The following RHBDL2 variants were observed in gnomAD, a reference collection of about 807,000 sequenced individuals.
RHBDL2 encodes the protein rhomboid-related protein 2.
A neutral mutation model predicts 31.7 loss-of-function variants in RHBDL2; 26 were observed. The ratio of observed to expected loss-of-function variants is 0.82; its 90% CI spans 0.60 to 1.14. RHBDL2 has a LOEUF of 1.14. Ranked by LOEUF, RHBDL2 falls within the 50% of genes most tolerant of loss-of-function variation. RHBDL2 has a pLI of 0.00. For synonymous variants in RHBDL2, 123 were observed against 127.2 expected, an observed-to-expected ratio of 0.97 and a Z score of 0.22; for missense variants, 336 against 364.4, an observed-to-expected ratio of 0.92 and a Z score of 0.63.
At position 38,886,583 on chromosome 1, in the gene RHBDL2, A is replaced by C; in HGVS notation, c.833T>G (p.Phe278Cys). Residue 278 changes from phenylalanine (F) to cysteine (C), a missense_variant, in exon 8 of 8, where the codon TTT becomes TGT. Coordinates refer to ENST00000372990, the MANE Select transcript of RHBDL2 (RefSeq NM_017821.5). ...FDKALLKDPR[F>C]WIAIAAYLAC... ...TAAATATGCAGCAATTGCTATCCAA[A>C]ACCTTGGATCTTTCAGCAGTGCTTT... The C allele has an allele frequency of 6.2e-7, 1 of 1,608,102 alleles. No individual in the cohort carries two copies. Among genetic ancestry groups the C allele is most frequent in the Non-Finnish European group, 8.5e-7 (1 of 1,176,390 alleles).
intron 6 of RHBDL2, among the ~76,000 whole-genome samples, chr1:38,892,448 C>G (rs1051352463): frequency 6.6e-6 from 1 of 152,070 alleles, no homozygotes; most frequent in Non-Finnish European, 1.5e-5. Flanking sequence ...TGGCTTCCCC[C>G]ACTCCATAAA....
chr1:38,921,132 GGCGTGGTGGCTC>G (rs1485454231), intron 1 of RHBDL2, among the ~76,000 whole-genome samples: 1 of 152,174 alleles, frequency 6.6e-6, no homozygotes, highest in East Asian at 1.9e-4. Context: ...ATCTGGGCCG[GGCGTGGTGGCTC>G]ACGCCTGTAA....
chr1:38,890,731 G>T (rs368031275), intron 6 of RHBDL2, among the ~76,000 whole-genome samples: 3 of 149,140 alleles, frequency 2.0e-5, no homozygotes, highest in Non-Finnish European at 3.0e-5. Flanking sequence ...AGACAACCTC[G>T]CTCTGCTGCC....
chr1:38,928,359 G>A (rs1222004857), intron 1 of RHBDL2, among the ~76,000 whole-genome samples: 1 of 151,800 alleles, frequency 6.6e-6, no homozygotes, highest in Non-Finnish European at 1.5e-5. Context: ...AGCCAGGATG[G>A]TCTCAATCTC....
chr1:38,918,564 A>G (rs1643268358), intron 2 of RHBDL2, among the ~76,000 whole-genome samples: 1 of 152,190 alleles, frequency 6.6e-6, no homozygotes, highest in Non-Finnish European at 1.5e-5. Context: ...ACTGAAATTC[A>G]GAAGAATTCT....
chr1:38,892,604 T>G (rs141228392), intron 6 of RHBDL2, among the ~76,000 whole-genome samples: 2 of 152,324 alleles, frequency 1.3e-5, no homozygotes, highest in Non-Finnish European at 2.9e-5. Flanking sequence ...ATTCTCCATG[T>G]TAGTGTCTGG....
chr1:38,938,815 A>G (rs1323365217), intron 1 of RHBDL2, among the ~76,000 whole-genome samples: 1 of 152,154 alleles, frequency 6.6e-6, no homozygotes, highest in East Asian at 1.9e-4. Flanking sequence ...TAGAGCATCA[A>G]TGTCTTCTTT....
chr1:38,899,813 C>T (rs1423550499), intron 4 of RHBDL2, among the ~76,000 whole-genome samples: 1 of 152,192 alleles, frequency 6.6e-6, no homozygotes, highest in African/African-American at 2.4e-5. Context: ...GGGTCTGCCC[C>T]AGTCCTGCAA....
At chr1:38,924,785 T>C (rs1232628007) in intron 1 of RHBDL2, among the ~76,000 whole-genome samples, 1 of 148,952 alleles carries the variant, frequency 6.7e-6, no homozygotes, top group Non-Finnish European at 1.5e-5. Flanking sequence ...CTTTTTTCTT[T>C]TTTTTTTTTT....
chr1:38,928,976 C>G (rs1303185254), intron 1 of RHBDL2, among the ~76,000 whole-genome samples: 3 of 152,082 alleles, frequency 2.0e-5, no homozygotes, highest in Non-Finnish European at 4.4e-5. Flanking sequence ...GAGGCTGAGG[C>G]AGGAGGATCA....
chr1:38,936,506 T>G (rs1405924128), intron 1 of RHBDL2, among the ~76,000 whole-genome samples: 2 of 149,598 alleles, frequency 1.3e-5, no homozygotes, highest in Non-Finnish European at 3.0e-5. Flanking sequence ...TTTGGGTTTT[T>G]TTTTTTTTTT....
chr1:38,921,664 T>C (rs1643317899), intron 1 of RHBDL2, among the ~76,000 whole-genome samples: 1 of 152,188 alleles, frequency 6.6e-6, no homozygotes, highest in Non-Finnish European at 1.5e-5. Context: ...GCAAATTTTC[T>C]GAAAATAAAG....
chr1:38,928,109 T>A (rs558824084), intron 1 of RHBDL2, among the ~76,000 whole-genome samples: 11 of 151,962 alleles, frequency 7.2e-5, no homozygotes, highest in Non-Finnish European at 1.3e-4. Context: ...AATAAATAAA[T>A]TGAAGATTTT....
At chr1:38,898,677 C>T (rs1642948745) in intron 4 of RHBDL2, among the ~76,000 whole-genome samples, 1 of 152,134 alleles carries the variant, frequency 6.6e-6, no homozygotes, top group South Asian at 2.1e-4. Flanking sequence ...TCTCAGCAAA[C>T]TTTAAGTTGA....
At chr1:38,927,830 G>T (rs1643394672) in intron 1 of RHBDL2, among the ~76,000 whole-genome samples, 1 of 152,176 alleles carries the variant, frequency 6.6e-6, no homozygotes, top group African/African-American at 2.4e-5. Context: ...TTACCACTTT[G>T]TAAAGCAGGG....
chr1:38,902,591 T>C (rs1299997634), intron 4 of RHBDL2, among the ~76,000 whole-genome samples: 2 of 151,908 alleles, frequency 1.3e-5, no homozygotes, highest in East Asian at 1.9e-4. Context: ...AGCTAATTTT[T>C]TTGTATTTTT....
At chr1:38,894,363 G>A (rs4970564) in intron 5 of RHBDL2, among the ~76,000 whole-genome samples, 85,454 of 151,926 alleles carry the variant, frequency 0.56, 25,418 homozygotes, top group Non-Finnish European at 0.67. Context: ...TCACTCTGTC[G>A]CCAGGCTGGA....
At chr1:38,895,747 G>A (rs941159491) in intron 5 of RHBDL2, among the ~76,000 whole-genome samples, 1 of 151,982 alleles carries the variant, frequency 6.6e-6, no homozygotes, top group African/African-American at 2.4e-5. Context: ...GAAGTGCAGT[G>A]AGCCATTATC....
chr1:38,893,100 A>C, intron 6 of RHBDL2, 64 bp downstream of exon 6: 8 of 960,588 alleles, frequency 8.3e-6, no homozygotes, highest in Non-Finnish European at 1.3e-5. Context: ...TAAAATGTTT[A>C]GAGATTTGTC....
Sources: gnomAD v4.1 joint callset for allele counts (sites outside exome capture counted in the v4.1 genomes callset) on GRCh38, gnomAD v4.1.1 for gene constraint, MANE v1.5 for transcripts, NCBI Gene and HGNC (gene_info 2026-07-23, HGNC 2026-07-21) for gene names.